Variants in TMEM132D observed in about 807,000 individuals in gnomAD.
TMEM132D encodes the protein mature OL transmembrane protein.
In TMEM132D, 21 loss-of-function variants were observed where a neutral mutation model predicts 62.3. The ratio of observed to expected loss-of-function variants is 0.34; its 90% CI spans 0.24 to 0.49. The LOEUF (loss-of-function observed/expected upper bound fraction) is 0.49. Ranked by LOEUF, TMEM132D falls within the 20% of genes least tolerant of loss-of-function variation. TMEM132D has a pLI of 0.99. For missense variants in TMEM132D, 1,346 were observed against 1,402.8 expected, an observed-to-expected ratio of 0.96 and a Z score of 0.65; for synonymous variants, 621 against 575.6, an observed-to-expected ratio of 1.08 and a Z score of -1.13.
chr12:129,532,899 G>C (rs1170765858), intron 2 of TMEM132D, among the ~76,000 whole-genome samples: 1 of 152,202 alleles, frequency 6.6e-6, no homozygotes, highest in Non-Finnish European at 1.5e-5. Context: ...ATTCCTGGGA[G>C]CGTGAGCCTG....
intron 1 of TMEM132D, among the ~76,000 whole-genome samples, chr12:129,807,262 C>T (rs1035374217): frequency 2.8e-4 from 42 of 152,284 alleles, no homozygotes; most frequent in African/African-American, 9.9e-4. Flanking sequence ...GGAGTCCACC[C>T]GCATTCTCCC....
chr12:129,562,386 C>T (rs939697366), intron 2 of TMEM132D, among the ~76,000 whole-genome samples: 2 of 152,172 alleles, frequency 1.3e-5, no homozygotes, highest in African/African-American at 4.8e-5. Flanking sequence ...TACTAGCAAG[C>T]ATTTTTCCTT....
At chr12:129,430,339 A>G (rs940511261) in intron 3 of TMEM132D, among the ~76,000 whole-genome samples, 4 of 152,108 alleles carry the variant, frequency 2.6e-5, no homozygotes, top group African/African-American at 7.2e-5. Flanking sequence ...GCCAGTGATG[A>G]TGAGCATTTT....
At chr12:129,849,963 A>G (rs531866045) in intron 1 of TMEM132D, among the ~76,000 whole-genome samples, 2 of 152,352 alleles carry the variant, frequency 1.3e-5, no homozygotes, top group East Asian at 1.9e-4. Flanking sequence ...GGATATTTGC[A>G]TAAGTTCTTA....
At chr12:129,287,207 G>T (rs1038731845) in intron 4 of TMEM132D, among the ~76,000 whole-genome samples, 2 of 152,198 alleles carry the variant, frequency 1.3e-5, no homozygotes, top group African/African-American at 4.8e-5. Flanking sequence ...GAAGTGCTAT[G>T]AACTGATGAA....
At chr12:129,217,988 A>T (rs1212868441) in intron 4 of TMEM132D, among the ~76,000 whole-genome samples, 1 of 152,148 alleles carries the variant, frequency 6.6e-6, no homozygotes, top group Non-Finnish European at 1.5e-5. Flanking sequence ...GTAGGCAGGC[A>T]TCTCCGGAGC....
chr12:129,777,312 C>A (rs1054790506), intron 1 of TMEM132D, among the ~76,000 whole-genome samples: 13 of 152,146 alleles, frequency 8.5e-5, no homozygotes, highest in Admixed American at 3.3e-4. Flanking sequence ...AAGCCAGACA[C>A]CCATTTTTTT....
intron 1 of TMEM132D, among the ~76,000 whole-genome samples, chr12:129,855,155 G>C (rs1309241858): frequency 4.3e-5 from 5 of 116,126 alleles, no homozygotes; most frequent in African/African-American, 1.0e-4. Context: ...AACGGGATGG[G>C]TGCCCTTATA....
In TMEM132D at chr12:129,798,951, G is replaced by A. The variant is rs954368984; in HGVS notation, c.80-98253C>T. ...TTGCAATTACTCACAAACTCTTAAC[G>A]ACTGGAAGAGTTCACATAAAAATAT... is the stretch of plus-strand genomic sequence containing the variant. On this transcript the variant is annotated intron_variant, in intron 1 of 8. Transcript: ENST00000422113. 3.3e-5 allele frequency among the ~76,000 whole-genome samples: 5 copies of A among 152,286 alleles called. No individual in the cohort carries two copies. In the South Asian group the frequency reaches 6.2e-4, roughly 19 times the overall value.
At chr12:129,387,980 G>T (rs1271568946) in intron 3 of TMEM132D, among the ~76,000 whole-genome samples, 2 of 63,574 alleles carry the variant, frequency 3.1e-5, no homozygotes, top group Admixed American at 1.4e-4. Context: ...ACACTAACAC[G>T]AATCCTAATA....
At chr12:129,509,825 T>C (rs931015745) in intron 3 of TMEM132D, among the ~76,000 whole-genome samples, 6 of 152,202 alleles carry the variant, frequency 3.9e-5, no homozygotes, top group African/African-American at 1.2e-4. Flanking sequence ...GGCTGAGTAG[T>C]ACTCCGTTGT....
At chr12:129,838,198 C>A (rs1480290959) in intron 1 of TMEM132D, among the ~76,000 whole-genome samples, 3 of 152,200 alleles carry the variant, frequency 2.0e-5, no homozygotes, top group Non-Finnish European at 2.9e-5. Flanking sequence ...AGGTGAGCTG[C>A]TGTTAACTCA....
chr12:129,214,428 G>A (rs1272063675), intron 4 of TMEM132D, among the ~76,000 whole-genome samples: 1 of 152,168 alleles, frequency 6.6e-6, no homozygotes, highest in Non-Finnish European at 1.5e-5. Context: ...CACAAGGGAA[G>A]CTTTTAAACA....
At chr12:129,168,562 C>T (rs973909585) in intron 5 of TMEM132D, among the ~76,000 whole-genome samples, 3 of 152,146 alleles carry the variant, frequency 2.0e-5, no homozygotes, top group Non-Finnish European at 2.9e-5. Flanking sequence ...CCTAATATGA[C>T]GTCCTCAAGG....
chr12:129,603,284 AG>A (rs1430796338), intron 2 of TMEM132D, among the ~76,000 whole-genome samples: 12 of 152,312 alleles, frequency 7.9e-5, no homozygotes, highest in African/African-American at 2.4e-4. Flanking sequence ...TGCCCTAAAA[AG>A]CCTCTGTGCT....
At chr12:129,218,552 G>A (rs1013949088) in intron 4 of TMEM132D, among the ~76,000 whole-genome samples, 2 of 152,160 alleles carry the variant, frequency 1.3e-5, no homozygotes, top group Non-Finnish European at 2.9e-5. Flanking sequence ...AAATACAGTA[G>A]CATAATCTTA....
At chr12:129,336,759 C>A (rs1024358678) in intron 4 of TMEM132D, among the ~76,000 whole-genome samples, 6 of 152,056 alleles carry the variant, frequency 3.9e-5, no homozygotes, top group African/African-American at 1.2e-4. Context: ...GCAGGAGAAA[C>A]GCCGAGTGTG....
At chr12:129,766,885 C>G (rs991597546) in intron 1 of TMEM132D, among the ~76,000 whole-genome samples, 1 of 152,164 alleles carries the variant, frequency 6.6e-6, no homozygotes, top group Non-Finnish European at 1.5e-5. Context: ...AGTACCATGA[C>G]AGTTTAGTAT....
At chr12:129,508,203 CTTATA>C (rs1875396502) in intron 3 of TMEM132D, among the ~76,000 whole-genome samples, 1 of 152,082 alleles carries the variant, frequency 6.6e-6, no homozygotes, top group African/African-American at 2.4e-5. Context: ...TAGAGTTTAA[CTTATA>C]TTATAAAATA....
Sources: gnomAD v4.1 joint callset for allele counts (sites outside exome capture counted in the v4.1 genomes callset) on GRCh38, gnomAD v4.1.1 for gene constraint, MANE v1.5 for transcripts, NCBI Gene and HGNC (gene_info 2026-07-23, HGNC 2026-07-21) for gene names.